Variants in SCARB1 observed in about 807,000 individuals in gnomAD.
The protein encoded by SCARB1 is CD36 and LIMPII analogous 1.
A neutral mutation model predicts 57.2 loss-of-function variants in SCARB1; 30 were observed. The observed-to-expected ratio is 0.52, with a 90% CI of 0.39 to 0.71. The LOEUF is 0.71. Ranked by LOEUF, SCARB1 falls within the 30% of genes least tolerant of loss-of-function variation. The probability of loss-of-function intolerance (pLI) is 0.00; values close to 1 mark genes in which losing one functional copy is unlikely to be tolerated. For synonymous variants in SCARB1, 249 were observed against 268.3 expected (o/e 0.93, Z 0.70); for missense variants, 543 against 671.2 (o/e 0.81, Z 2.11).
chr12:124,778,853 G>C (rs546092476), intron 12 of SCARB1, among the ~76,000 whole-genome samples: 4 of 152,230 alleles, frequency 2.6e-5, no homozygotes, highest in Non-Finnish European at 5.9e-5. Flanking sequence ...AATACAGTGA[G>C]GGGCAGAGCA....
At chr12:124,837,514 GAAAA>G (rs1566231493) in intron 1 of SCARB1, among the ~76,000 whole-genome samples, 4,989 of 110,414 alleles carry the variant, frequency 0.045, 215 homozygotes, top group African/African-American at 0.057. Context: ...GGAGAAAAAA[GAAAA>G]GAAAGGAAAG....
In SCARB1 at chr12:124,807,934, G is replaced by C. The variant is rs1272792439; in HGVS notation, c.843-7C>G. The stretch of plus-strand genomic sequence containing the variant: ...GTACATTAGCTTCATGGATCTGCAG[G>C]GGACAGACAGGATGAGAGGGGACAC... On this transcript the variant is annotated splice_polypyrimidine_tract_variant and splice_region_variant and intron_variant, in intron 6 of 12. Transcript: ENST00000261693. The surrounding 1 kb of genome is among the most constrained non-coding windows in gnomAD (Gnocchi z 5.3). 6.2e-7 allele frequency: 1 copy of C among 1,613,862 alleles called. No homozygotes were observed. The highest frequency in any genetic ancestry group is 8.5e-7 in the Non-Finnish European group (1 of 1,179,924).
At position 124,778,536 on chromosome 12, in the gene SCARB1, C is replaced by A. The variant is rs965345645; in HGVS notation, c.*51G>T. On this transcript the variant is annotated 3_prime_UTR_variant, in exon 13 of 13. Transcript: ENST00000261693. ...GAAGCGGGGTGTAGGGGCTGGGGGG[C>A]CGGTCAGGCCCAGCGGCCAGGCCTG... The A allele has an allele frequency of 1.1e-5, 15 of 1,374,666 alleles. No homozygotes were observed. In the African/African-American group the frequency reaches 2.3e-4, roughly 21 times the overall value. The allele number at this position is 1,374,666 out of a possible 1,614,324, so 85.2% of individuals were successfully genotyped here.
intron 1 of SCARB1, among the ~76,000 whole-genome samples, chr12:124,851,051 C>T (rs1006980061): frequency 1.3e-5 from 2 of 152,204 alleles, no homozygotes; most frequent in African/African-American, 4.8e-5. Flanking sequence ...AGCAATTGGT[C>T]CAAGGATGCA....
chr12:124,781,916 A>G (rs1435880891), intron 12 of SCARB1, among the ~76,000 whole-genome samples: 1 of 150,360 alleles, frequency 6.7e-6, no homozygotes, highest in Non-Finnish European at 1.5e-5. Flanking sequence ...TTTTAGTTTT[A>G]TTTTTTTGAG....
intron 1 of SCARB1, among the ~76,000 whole-genome samples, chr12:124,833,374 G>T (rs1395451859): frequency 6.6e-6 from 1 of 151,974 alleles, no homozygotes; most frequent in Non-Finnish European, 1.5e-5. Flanking sequence ...ATTTTTTATA[G>T]AGATGGGGTC....
chr12:124,797,295 C>A (rs1453741791), intron 8 of SCARB1, among the ~76,000 whole-genome samples: 1 of 152,142 alleles, frequency 6.6e-6, no homozygotes, highest in Non-Finnish European at 1.5e-5. Flanking sequence ...AGCTGTGATA[C>A]CACCATAAGC....
In SCARB1 at chr12:124,812,887, C is replaced by A. The variant is rs959675026; in HGVS notation, c.631-922G>T. The stretch of plus-strand genomic sequence containing the variant: ...ACTACAAAGGGGAGCATTAAAGGGA[C>A]TCATGTGCAAAAACGGCCAGGTACA... On this transcript the variant is annotated intron_variant, in intron 4 of 12. Transcript: ENST00000261693. The surrounding 1 kb of genome is among the most constrained non-coding windows in gnomAD (Gnocchi z 4.3). Among the ~76,000 whole-genome samples, 1 of 152,136 alleles carries A rather than the reference C, an allele frequency of 6.6e-6. No individual in the cohort carries two copies. Among genetic ancestry groups the A allele is most frequent in the African/African-American group, 2.4e-5 (1 of 41,414 alleles).
chr12:124,815,700 T>C (rs1163524690), intron 2 of SCARB1, among the ~76,000 whole-genome samples: 2 of 152,118 alleles, frequency 1.3e-5, no homozygotes, highest in Non-Finnish European at 2.9e-5. Flanking sequence ...ACCACGTCTC[T>C]ACTAAAAATA....
In SCARB1 at chr12:124,814,842, G is replaced by T; in HGVS notation, c.426+131C>A. On this transcript the variant is annotated intron_variant, in intron 3 of 12. Coordinates refer to ENST00000261693, the MANE Select transcript of SCARB1 (RefSeq NM_005505.5). The surrounding 1 kb of genome is among the most constrained non-coding windows in gnomAD (Gnocchi z 4.7). ...TGGTGGAGACAGCACAGGGCCGAAA[G>T]CCACCCACCAGGCGTGAGTCCCCAC... 1 of 1,198,060 alleles carries T rather than the reference G, an allele frequency of 8.3e-7. No individual in the cohort carries two copies. The highest frequency in any genetic ancestry group is 1.2e-6 in the Non-Finnish European group (1 of 833,366). 74.2% of individuals were successfully genotyped at this position (1,198,060 alleles called of 1,614,324 possible).
At chr12:124,825,095 G>C (rs1951087955) in intron 1 of SCARB1, among the ~76,000 whole-genome samples, 1 of 151,848 alleles carries the variant, frequency 6.6e-6, no homozygotes, top group Non-Finnish European at 1.5e-5. Flanking sequence ...CGTGGTGGCA[G>C]ATGCCTGTAG....
intron 11 of SCARB1, chr12:124,784,754 T>A (rs1333475135): frequency 1.3e-5 from 2 of 152,398 alleles, no homozygotes; most frequent in African/African-American, 4.8e-5. Flanking sequence ...GGTCCATGCA[T>A]CCAAAAACAG....
chr12:124,780,994 G>A (rs900549434), intron 12 of SCARB1, among the ~76,000 whole-genome samples: 1 of 152,168 alleles, frequency 6.6e-6, no homozygotes, highest in Non-Finnish European at 1.5e-5. Context: ...GAGGAATCCT[G>A]GGAGAGAGGA....
intron 1 of SCARB1, among the ~76,000 whole-genome samples, chr12:124,834,605 G>C (rs1172399060): frequency 6.6e-6 from 1 of 152,222 alleles, no homozygotes; most frequent in Non-Finnish European, 1.5e-5. Flanking sequence ...TTCGGGCAGT[G>C]GTTCTTGAAG....
chr12:124,863,634 G>T lies in SCARB1; in HGVS notation c.87C>A (p.Ile29=). 1 of 1,599,648 alleles carries T rather than the reference G, an allele frequency of 6.3e-7. No individual in the cohort carries two copies. The highest frequency in any genetic ancestry group is 1.1e-5 in the South Asian group (1 of 88,956). Residue 29 remains isoleucine (I), a synonymous_variant, in exon 1 of 13, where the codon ATC becomes ATA. Coordinates refer to ENST00000261693, the MANE Select transcript of SCARB1 (RefSeq NM_005505.5). ...LLCAVLGAVM[I]VMVPSLIKQQ... is the part of the protein sequence containing the mutation. Reference sequence around the variant, plus strand: ...GCTTGATGAGCGACGGCACCATCACGATCATGACAGCGCCCAGCACAGCGC... The same window carrying T: ...GCTTGATGAGCGACGGCACCATCACTATCATGACAGCGCCCAGCACAGCGC...
chr12:124,809,109 AC>A (rs1464153435), intron 6 of SCARB1, among the ~76,000 whole-genome samples: 1 of 151,966 alleles, frequency 6.6e-6, no homozygotes, highest in Non-Finnish European at 1.5e-5. Flanking sequence ...TCTGAAAAAC[AC>A]CCACTGAGTA....
chr12:124,832,040 A>G (rs1951416759), intron 1 of SCARB1, among the ~76,000 whole-genome samples: 1 of 152,194 alleles, frequency 6.6e-6, no homozygotes, highest in Admixed American at 6.5e-5. Context: ...TGGGACAGAA[A>G]ATGATACGAA....
intron 1 of SCARB1, 135 bp downstream of exon 1, chr12:124,863,460 C>A (rs995060822): frequency 1.4e-5 from 12 of 883,336 alleles, no homozygotes; most frequent in Non-Finnish European, 1.7e-6. Flanking sequence ...TGGCCTCCCT[C>A]GTGCTCTGCG....
At chr12:124,801,439 G>A (rs1950125684) in intron 7 of SCARB1, among the ~76,000 whole-genome samples, 2 of 152,294 alleles carry the variant, frequency 1.3e-5, no homozygotes, top group Admixed American at 6.5e-5. Flanking sequence ...TTAATTTTAT[G>A]TTACAAGAAT....
Sources: gnomAD v4.1 joint callset for allele counts (sites outside exome capture counted in the v4.1 genomes callset) on GRCh38, gnomAD v4.1.1 for gene constraint, Gnocchi (gnomAD v3.1) non-coding constraint, MANE v1.5 for transcripts, NCBI Gene and HGNC (gene_info 2026-07-23, HGNC 2026-07-21) for gene names.